Variants in NUMA1 observed in about 807,000 individuals in gnomAD.
NUMA1 encodes nuclear mitotic apparatus protein 1.
Under a neutral mutation model 237.1 loss-of-function variants are expected in NUMA1, and 62 were observed. The observed-to-expected ratio is 0.26, with a 90% CI of 0.21 to 0.32. The LOEUF (loss-of-function observed/expected upper bound fraction) is 0.32. Among genes scored for constraint, NUMA1 ranks in the 10% least tolerant of loss-of-function variants. NUMA1 has a pLI of 1.00. For synonymous variants in NUMA1, 1,028 were observed against 1,066.1 expected (o/e 0.96, Z 0.70); for missense variants, 2,533 against 2,666.5 (o/e 0.95, Z 1.10).
intron 4 of NUMA1, 72 bp downstream of exon 4, chr11:72,029,133 G>T: frequency 9.0e-7 from 1 of 1,110,420 alleles, no homozygotes; most frequent in Non-Finnish European, 1.3e-6. Context: ...CAAGTAAAGA[G>T]AACAAGTACA....
At chr11:72,077,114 T>A (rs1235946584) in intron 1 of NUMA1, among the ~76,000 whole-genome samples, 1 of 151,676 alleles carries the variant, frequency 6.6e-6, no homozygotes, top group African/African-American at 2.4e-5. Context: ...AAGATAGAAA[T>A]GGAAATTATG....
At chr11:72,018,630 A>C in intron 10 of NUMA1, 117 bp from the exon 11 acceptor site, 1 of 1,066,970 alleles carries the variant, frequency 9.4e-7, no homozygotes, top group Non-Finnish European at 1.4e-6. Context: ...GAAGAGGAGG[A>C]ATATGGTATC....
At chr11:72,048,167 G>A (rs377356707) in intron 2 of NUMA1, among the ~76,000 whole-genome samples, 294 of 152,122 alleles carry the variant, frequency 1.9e-3, no homozygotes, top group African/African-American at 6.7e-3. Context: ...TGCGATCTCC[G>A]CTCACCGCAA....
At chr11:72,024,250 T>C (rs185167203) in intron 5 of NUMA1, 24 bp downstream of exon 5, 9 of 1,609,638 alleles carry the variant, frequency 5.6e-6, no homozygotes, top group African/African-American at 1.3e-5. Context: ...AGCTTCTTCA[T>C]AGCTGGATAA....
chr11:72,060,768 T>C (rs974548464), intron 2 of NUMA1, among the ~76,000 whole-genome samples: 4 of 151,974 alleles, frequency 2.6e-5, no homozygotes, highest in African/African-American at 9.7e-5. Flanking sequence ...ACCCCATCTC[T>C]ACAAAAAATA....
intron 16 of NUMA1, among the ~76,000 whole-genome samples, chr11:72,011,206 G>A (rs969219696): frequency 5.3e-5 from 8 of 152,158 alleles, no homozygotes; most frequent in African/African-American, 7.2e-5. Context: ...CTCTGCAGCC[G>A]CAACCTTCCC....
At position 72,013,477 on chromosome 11, in the gene NUMA1, G is replaced by A. The variant is rs772213804; in HGVS notation, c.4026C>T (p.Ala1342=). 5.6e-6 allele frequency: 9 copies of A among 1,613,456 alleles called. No homozygotes were observed. Among genetic ancestry groups the A allele is most frequent in the Admixed American group, 1.7e-5 (1 of 60,028 alleles). Residue 1342 remains alanine, a synonymous_variant, in exon 15 of 27, where the codon GCC becomes GCT. Transcript: ENST00000393695. This position sits in a 1 kb window ranked among gnomAD's most constrained non-coding sequence, Gnocchi z 6.8. ...WQEKFFQKEQ[A]LSTLQLEHTS... ...TGTGCTCGAGCTGCAGGGTGGAGAG[G>A]GCCTGCTCTTTCTGGAAGAACTTCT...
Position 72,010,515 on chromosome 11 carries a change from C to G in NUMA1, c.4719+271G>C, listed in dbSNP as rs535952288. ...CAGTGTAGCTAGTGTGATTGAAGAA[C>G]TGGATTTACTTTAATAAATTTCAAT... is the stretch of plus-strand genomic sequence containing the variant. On this transcript the variant is annotated intron_variant, in intron 17 of 26. Coordinates refer to ENST00000393695, the MANE Select transcript of NUMA1 (RefSeq NM_006185.4). 2.0e-5 allele frequency among the ~76,000 whole-genome samples: 3 copies of G among 152,334 alleles called. No homozygotes were observed. In the East Asian group the frequency reaches 5.8e-4, roughly 29 times the overall value.
chr11:72,005,476 GC>G, intron 22 of NUMA1, 107 bp from the exon 23 acceptor site: 1 of 1,043,718 alleles, frequency 9.6e-7, no homozygotes, highest in Non-Finnish European at 1.4e-6. Flanking sequence ...TAAACTTGAA[GC>G]CCAGCACACC....
Position 72,009,268 on chromosome 11 carries a change from C to T in NUMA1, c.4839G>A (p.Gln1613=). 1 of 1,612,504 alleles carries T rather than the reference C, an allele frequency of 6.2e-7. No homozygotes were observed. The highest frequency in any genetic ancestry group is 8.5e-7 in the Non-Finnish European group (1 of 1,179,698). ...KEQAAEHYKL[Q]MEKAKTHYDA... is the part of the protein sequence containing the mutation. ...CATGGGCTGGGGCTGGGCTCCTTAC[C>T]TGCAGCTTATAGTGCTCAGCTGCCT... is the stretch of plus-strand genomic sequence containing the variant. Residue 1613 remains glutamine, a splice_region_variant and synonymous_variant, in exon 18 of 27, where the codon CAG becomes CAA. Coordinates refer to ENST00000393695, the MANE Select transcript of NUMA1 (RefSeq NM_006185.4).
At chr11:72,061,489 T>TC (rs71052847) in intron 2 of NUMA1, among the ~76,000 whole-genome samples, 266 of 113,956 alleles carry the variant, frequency 2.3e-3, no homozygotes, top group African/African-American at 7.4e-3. Context: ...TCTTTTCTTT[T>TC]TTTTTTTTTT....
rs777500157 is a variant in NUMA1, at chr11:72,010,766, C to G, written c.4719+20G>C. 1.2e-5 allele frequency: 20 copies of G among 1,611,642 alleles called. No individual in the cohort carries two copies. The highest frequency in any genetic ancestry group is 1.7e-5 in the Non-Finnish European group (20 of 1,179,496). On this transcript the variant is annotated intron_variant, in intron 17 of 26. Coordinates refer to ENST00000393695, the MANE Select transcript of NUMA1 (RefSeq NM_006185.4). ...CCCTCCCTTGTCCAGAGGCCAGACC[C>G]ATTCCCCCAGCTGCCCCACCTTCAG...
rs1170629418 is a variant in NUMA1, at chr11:72,029,267, G to T, written c.66C>A (p.Asp22Glu). 8.7e-6 allele frequency: 14 copies of T among 1,609,338 alleles called. No individual in the cohort carries two copies. The highest frequency in any genetic ancestry group is 1.1e-5 in the Non-Finnish European group (13 of 1,179,600). The change falls in exon 4 of 27, where the codon GAC becomes GAA. Residue 22 changes from aspartate (D) to glutamate (E), a missense_variant. This residue lies in a region of NUMA1 where 1,414 missense variants were observed against 1,508.1 expected (regional missense o/e 0.94). Transcript: ENST00000393695. ...GGAGCTGCAGCACAGCCTCCACAGG[G>T]TCAGCCACGTGTAGACTGTTCACCT... ...LSWVNSLHVA[D>E]PVEAVLQLQD...
chr11:72,024,019 C>T (rs1007567682), intron 5 of NUMA1: 5 of 421,272 alleles, frequency 1.2e-5, no homozygotes, highest in African/African-American at 2.0e-5. Context: ...TGACAGGTCC[C>T]AAAAAGTAAC....
In NUMA1 at chr11:72,015,711, C is replaced by T. The variant is rs754478714; in HGVS notation, c.1792G>A (p.Glu598Lys). 6.2e-7 allele frequency: 1 copy of T among 1,614,162 alleles called. No homozygotes were observed. Among genetic ancestry groups the T allele is most frequent in the Non-Finnish European group, 8.5e-7 (1 of 1,180,032 alleles). ...AGCTGCTTGAGAGCCGCATCCCGCTCCCTTAAGGAGGCCTCTCGCTCCTCT... is the reference window on the plus strand; with the variant it reads ...AGCTGCTTGAGAGCCGCATCCCGCTTCCTTAAGGAGGCCTCTCGCTCCTCT... ...AAEEREASLR[E>K]RDAALKQLEA... is the part of the protein sequence containing the mutation. The change falls in exon 15 of 27, where the codon GAG (glutamate) becomes AAG (lysine). Residue 598 changes from glutamate to lysine, a missense_variant. Glu to Lys is a moderately conservative substitution (Grantham distance 56). This residue lies in a region of NUMA1 where 1,414 missense variants were observed against 1,508.1 expected (regional missense o/e 0.94). Transcript: ENST00000393695. This position sits in a 1 kb window ranked among gnomAD's most constrained non-coding sequence, Gnocchi z 4.0.
At position 72,016,286 on chromosome 11, in the gene NUMA1, G is replaced by A. The variant is rs1008984304; in HGVS notation, c.1243-26C>T. 4 of 1,584,084 alleles carry A rather than the reference G, an allele frequency of 2.5e-6. No individual in the cohort carries two copies. The African/African-American group carries it at 5.4e-5, about 21-fold the overall frequency. ...CTGGTGGTATAAAGAGACAAACTGG[G>A]ATCAGCATGACTCCTCAGTCATCAA... On this transcript the variant is annotated intron_variant, in intron 14 of 26. Coordinates refer to ENST00000393695, the MANE Select transcript of NUMA1 (RefSeq NM_006185.4).
In NUMA1 at chr11:72,004,098, G is replaced by A; in HGVS notation, c.6125C>T (p.Ala2042Val). 6.2e-7 allele frequency: 1 copy of A among 1,613,238 alleles called. No homozygotes were observed. Among genetic ancestry groups the A allele is most frequent in the Non-Finnish European group, 8.5e-7 (1 of 1,179,736 alleles). Reference sequence around the variant, plus strand: ...GAAGGCCATCGACTGGCGCCGGTCAGCCTGCAAGGAAGGGCTGTCAGACCG... The same window carrying A: ...GAAGGCCATCGACTGGCGCCGGTCAACCTGCAAGGAAGGGCTGTCAGACCG... ...KKAAPASTKQ[A>V]DRRQSMAFSI... Residue 2042 changes from alanine to valine, a missense_variant and splice_region_variant, in exon 26 of 27, where the codon GCT (alanine) becomes GTT (valine). Ala to Val is a moderately conservative substitution (Grantham distance 64, BLOSUM62 0). Coordinates refer to ENST00000393695, the MANE Select transcript of NUMA1 (RefSeq NM_006185.4).
chr11:72,007,513 T>C (rs1433344559), intron 20 of NUMA1, 78 bp from the exon 21 acceptor site: 2 of 1,536,044 alleles, frequency 1.3e-6, no homozygotes, highest in East Asian at 2.3e-5. Context: ...AAAGTGACCA[T>C]TTCCCATCCT....
At position 72,014,791 on chromosome 11, in the gene NUMA1, A is replaced by C. The variant is rs952055448; in HGVS notation, c.2712T>G (p.Thr904=). The C allele has an allele frequency of 5.0e-6, 8 of 1,614,062 alleles. No homozygotes were observed. Among genetic ancestry groups the C allele is most frequent in the South Asian group, 1.1e-5 (1 of 91,078 alleles). ...RAQKLADDLS[T]LQEKMAATSK... Reference sequence around the variant, plus strand: ...TGGTGGCAGCCATCTTTTCCTGCAGAGTGGAGAGGTCATCTGCAAGCTTCT... The same window carrying C: ...TGGTGGCAGCCATCTTTTCCTGCAGCGTGGAGAGGTCATCTGCAAGCTTCT... Residue 904 remains threonine (T), a synonymous_variant, in exon 15 of 27, where the codon ACT becomes ACG. Coordinates refer to ENST00000393695, the MANE Select transcript of NUMA1 (RefSeq NM_006185.4). This position sits in a 1 kb window ranked among gnomAD's most constrained non-coding sequence, Gnocchi z 4.6.
Sources: gnomAD v4.1 joint callset for allele counts (sites outside exome capture counted in the v4.1 genomes callset) on GRCh38, gnomAD v4.1.1 for gene constraint, gnomAD v4.1.1 regional missense constraint, Gnocchi (gnomAD v3.1) non-coding constraint, MANE v1.5 for transcripts, NCBI Gene and HGNC (gene_info 2026-07-23, HGNC 2026-07-21) for gene names.